The following CNTN5 variants were observed in gnomAD, a reference collection of about 807,000 sequenced individuals.
CNTN5 encodes contactin-5.
Under a neutral mutation model 129.1 loss-of-function variants are expected in CNTN5, and 77 were observed. The ratio of observed to expected loss-of-function variants is 0.60; its 90% CI spans 0.50 to 0.72. CNTN5 has a LOEUF of 0.72. CNTN5 is among the 30% of genes least tolerant of loss of function. CNTN5 has a pLI of 0.00. For synonymous variants in CNTN5, 509 were observed against 465.6 expected, an observed-to-expected ratio of 1.09 and a Z score of -1.20; for missense variants, 1,478 against 1,328.8, an observed-to-expected ratio of 1.11 and a Z score of -1.75.
At chr11:99,821,315 G>T (rs189362362) in intron 4 of CNTN5, among the ~76,000 whole-genome samples, 2 of 152,196 alleles carry the variant, frequency 1.3e-5, no homozygotes, top group Non-Finnish European at 2.9e-5. Context: ...AATAAATATT[G>T]GGACATAAGA....
Position 99,844,737 on chromosome 11 carries a change from G to A in CNTN5, c.278-115G>A, listed in dbSNP as rs1334168628. The A allele has an allele frequency of 6.3e-6, 6 of 947,556 alleles. No homozygotes were observed. In the African/African-American group the frequency reaches 9.9e-5, roughly 16 times the overall value. 58.7% of individuals were successfully genotyped at this position (947,556 alleles called of 1,614,324 possible). On this transcript the variant is annotated intron_variant, in intron 4 of 24. Coordinates refer to ENST00000524871, the MANE Select transcript of CNTN5 (RefSeq NM_014361.4). ...TATTCCTTCTTTTGGGAATTTACCT[G>A]TTGATTACAAGAAAAGAGCAAGAAT...
At chr11:99,268,998 C>T (rs2135849887) in intron 1 of CNTN5, among the ~76,000 whole-genome samples, 1 of 152,036 alleles carries the variant, frequency 6.6e-6, no homozygotes, top group East Asian at 1.9e-4. Context: ...TGCTGAAGAG[C>T]TGGATCACAG....
chr11:100,042,854 A>G (rs976772317), intron 9 of CNTN5, among the ~76,000 whole-genome samples: 21 of 152,316 alleles, frequency 1.4e-4, no homozygotes, highest in African/African-American at 5.1e-4. Context: ...TTAGCTTTAA[A>G]AAACCTCCTA....
At position 99,961,206 on chromosome 11, in the gene CNTN5, G is replaced by GAGA. The variant is rs1555167359; in HGVS notation, c.877+4198_877+4199insGAA. ...GGCCATAGAGTGAGACTCCGTCTCA[G>GAGA]AAAAAAAAAAAAAAAAAAACAGTAG... On this transcript the variant is annotated intron_variant, in intron 8 of 24. Coordinates refer to ENST00000524871, the MANE Select transcript of CNTN5 (RefSeq NM_014361.4). Among the ~76,000 whole-genome samples the GAGA allele has an allele frequency of 2.0e-3, 188 of 95,702 alleles. 1 individual carries two copies. Among genetic ancestry groups the GAGA allele is most frequent in the African/African-American group, 4.1e-3 (101 of 24,832 alleles). The allele number at this position is 95,702 out of a possible 152,430, so 62.8% of individuals were successfully genotyped here.
chr11:99,757,333 A>G (rs1944437281), intron 3 of CNTN5, among the ~76,000 whole-genome samples: 1 of 151,000 alleles, frequency 6.6e-6, no homozygotes, highest in African/African-American at 2.4e-5. Context: ...TTTTAACTTG[A>G]TTCTATTTAT....
chr11:99,617,211 A>C (rs116874464), intron 3 of CNTN5, among the ~76,000 whole-genome samples: 3 of 152,220 alleles, frequency 2.0e-5, no homozygotes, highest in African/African-American at 7.2e-5. Context: ...TATGCTAACT[A>C]GTCTAATTTC....
intron 1 of CNTN5, among the ~76,000 whole-genome samples, chr11:99,073,249 T>C (rs1308543255): frequency 6.6e-6 from 1 of 152,030 alleles, no homozygotes; most frequent in Admixed American, 6.6e-5. Context: ...AGGGAGATGG[T>C]TGAGTCATAG....
intron 1 of CNTN5, among the ~76,000 whole-genome samples, chr11:99,272,232 T>C (rs987860997): frequency 1.6e-4 from 25 of 151,938 alleles, no homozygotes; most frequent in African/African-American, 5.8e-4. Flanking sequence ...TGCTTTTAAA[T>C]ATTGTCTTGT....
chr11:99,963,590 G>A (rs1456004411), intron 8 of CNTN5, among the ~76,000 whole-genome samples: 1 of 152,174 alleles, frequency 6.6e-6, no homozygotes, highest in Non-Finnish European at 1.5e-5. Context: ...GTCAGGTAGT[G>A]TGATGCCTCC....
At chr11:99,445,800 A>C (rs1944039133) in intron 2 of CNTN5, among the ~76,000 whole-genome samples, 1 of 151,922 alleles carries the variant, frequency 6.6e-6, no homozygotes. Flanking sequence ...GTACTTCCTT[A>C]GGGCCGGGCG....
chr11:99,592,547 A>G (rs995502110), intron 3 of CNTN5, among the ~76,000 whole-genome samples: 1 of 152,136 alleles, frequency 6.6e-6, no homozygotes, highest in Non-Finnish European at 1.5e-5. Context: ...GGAGTTGGGG[A>G]AGTGAAACAG....
chr11:99,254,701 T>C (rs1373642137), intron 1 of CNTN5, among the ~76,000 whole-genome samples: 1 of 151,974 alleles, frequency 6.6e-6, no homozygotes, highest in Non-Finnish European at 1.5e-5. Flanking sequence ...TATTTCAATA[T>C]ATACATGGAA....
rs1456519689 is a variant in CNTN5, at chr11:99,995,817, G to A, written c.878-6217G>A. ...AAATTTGCTCCAAGGCTATCTGATG[G>A]CACTAGCACCAAAATCCACCAGGCC... On this transcript the variant is annotated intron_variant, in intron 8 of 24. Coordinates refer to ENST00000524871, the MANE Select transcript of CNTN5 (RefSeq NM_014361.4). Among the ~76,000 whole-genome samples, 4 of 152,048 alleles carry A rather than the reference G, an allele frequency of 2.6e-5. No homozygotes were observed. The East Asian group carries it at 7.7e-4, about 29-fold the overall frequency.
At chr11:99,097,875 A>G (rs1401119783) in intron 1 of CNTN5, among the ~76,000 whole-genome samples, 2 of 152,058 alleles carry the variant, frequency 1.3e-5, no homozygotes, top group Non-Finnish European at 2.9e-5. Context: ...GCCAGTTTAC[A>G]TAGTAAGAAA....
At chr11:99,769,611 C>T (rs548692308) in intron 3 of CNTN5, among the ~76,000 whole-genome samples, 6 of 151,920 alleles carry the variant, frequency 3.9e-5, no homozygotes, top group East Asian at 1.9e-4. Flanking sequence ...CTGAAGAGGG[C>T]GAATAGCTTG....
chr11:99,291,555 A>G (rs953997245), intron 1 of CNTN5, among the ~76,000 whole-genome samples: 2 of 152,170 alleles, frequency 1.3e-5, no homozygotes, highest in East Asian at 3.9e-4. Flanking sequence ...TACAAAAAAC[A>G]TGAAAAATAT....
At chr11:99,868,147 C>T (rs992870564) in intron 6 of CNTN5, among the ~76,000 whole-genome samples, 5 of 151,312 alleles carry the variant, frequency 3.3e-5, no homozygotes, top group East Asian at 1.9e-4. Context: ...ACCCAGGAGG[C>T]GGAGGTTGTG....
chr11:99,984,648 A>G (rs1455685414), intron 8 of CNTN5, among the ~76,000 whole-genome samples: 1 of 152,182 alleles, frequency 6.6e-6, no homozygotes, highest in Non-Finnish European at 1.5e-5. Context: ...TTTAGTATGC[A>G]TATGATCTTA....
intron 3 of CNTN5, among the ~76,000 whole-genome samples, chr11:99,658,142 A>G (rs1353436331): frequency 6.6e-6 from 1 of 152,162 alleles, no homozygotes; most frequent in Non-Finnish European, 1.5e-5. Context: ...GTGTGCAAAC[A>G]CAAAAGCAAA....
Sources: allele counts gnomAD v4.1 joint callset (sites outside exome capture counted in the v4.1 genomes callset), GRCh38; gene constraint gnomAD v4.1.1; transcripts MANE v1.5; gene names NCBI Gene and HGNC (gene_info 2026-07-23, HGNC 2026-07-21).